SUN3: variants seen among roughly 807,000 people sequenced by gnomAD.
SUN3 encodes SUN domain-containing protein 3.
A neutral mutation model predicts 48.2 loss-of-function variants in SUN3; 36 were observed. That is an observed-to-expected ratio of 0.75 (90% CI 0.57 to 0.99). SUN3 has a LOEUF of 0.99. Ranked by LOEUF, SUN3 falls within the 50% of genes least tolerant of loss-of-function variation. SUN3 has a pLI of 0.00. For missense variants in SUN3, 419 were observed against 433.1 expected (o/e 0.97, Z 0.29); for synonymous variants, 148 against 147.9 (o/e 1.00, Z 0.00).
chr7:47,990,560 T>C (rs1056784408), intron 8 of SUN3, among the ~76,000 whole-genome samples: 2 of 150,988 alleles, frequency 1.3e-5, no homozygotes, highest in African/African-American at 4.9e-5. Flanking sequence ...CTTTGTCTCT[T>C]TGTCTCTTTC....
intron 6 of SUN3, among the ~76,000 whole-genome samples, chr7:48,004,361 C>T (rs994041479): frequency 2.0e-5 from 3 of 152,236 alleles, no homozygotes; most frequent in African/African-American, 7.2e-5. Flanking sequence ...CATCAATCAA[C>T]CAAGAAATGT....
Position 48,029,102 on chromosome 7 carries a change from G to T in SUN3, c.-164C>A, listed in dbSNP as rs180689406. The T allele has an allele frequency of 2.0e-6, 2 of 1,009,428 alleles. No homozygotes were observed. The highest frequency in any genetic ancestry group is 3.2e-5 in the South Asian group (2 of 63,192). 62.5% of individuals were successfully genotyped at this position (1,009,428 alleles called of 1,614,324 possible). A position where few individuals can be genotyped will look rare whatever the true frequency, so the allele number is the denominator to read the frequency against. ...CTTCTTGAAGACGGAATTTTGAAAA[G>T]CTTCTGATTCTTCTGTTGCATCATC... On this transcript the variant is annotated 5_prime_UTR_variant, in exon 1 of 10. Transcript: ENST00000297325.
chr7:48,005,846 A>C, intron 6 of SUN3, 123 bp downstream of exon 6: 2 of 502,174 alleles, frequency 4.0e-6, no homozygotes, highest in East Asian at 3.3e-5. Context: ...TAAATTGATT[A>C]ATTTCCCCCC....
chr7:48,012,045 G>C (rs375412736), intron 3 of SUN3, among the ~76,000 whole-genome samples: 65 of 152,306 alleles, frequency 4.3e-4, no homozygotes, highest in African/African-American at 1.2e-3. Context: ...GTGTATAGTT[G>C]ATTATCTTTC....
Position 48,007,185 on chromosome 7 carries a change from C to T in SUN3, c.472G>A (p.Glu158Lys), listed in dbSNP as rs1789548085. The change falls in exon 5 of 10, where the codon GAG becomes AAG. Residue 158 changes from glutamate to lysine, a missense_variant. Coordinates refer to ENST00000297325, the MANE Select transcript of SUN3 (RefSeq NM_001030019.2). ...HNWNTHGDPV[E>K]DPDHTEEVSN... ...AGGACCTCTGTGTGGTCCGGGTCCT[C>T]CACAGGGTCTCCATGGGTGTTCCAG... 6 of 1,613,766 alleles carry T rather than the reference C, an allele frequency of 3.7e-6. No individual in the cohort carries two copies. Among genetic ancestry groups the T allele is most frequent in the Non-Finnish European group, 5.1e-6 (6 of 1,179,848 alleles).
chr7:48,016,103 C>T (rs1023677469), intron 3 of SUN3, among the ~76,000 whole-genome samples: 1 of 152,098 alleles, frequency 6.6e-6, no homozygotes, highest in Non-Finnish European at 1.5e-5. Context: ...GCAGACCCTG[C>T]ACTAGATGGA....
At chr7:48,035,598 C>T in the SUN3 span, 1 of 693,856 alleles carries the variant, frequency 1.4e-6, no homozygotes, top group Non-Finnish European at 2.6e-6. The surrounding 1 kb of genome is among the most constrained non-coding windows in gnomAD (Gnocchi z 4.0). Flanking sequence ...CCGGGCGCCG[C>T]GGGCAGCACC....
intron 6 of SUN3, among the ~76,000 whole-genome samples, chr7:48,001,522 G>GTTT (rs1286421253): frequency 0.029 from 3,459 of 121,270 alleles, 406 homozygotes; most frequent in Middle Eastern, 0.066. Flanking sequence ...TGTCTTTTCT[G>GTTT]TTTTTTTTGT....
intron 3 of SUN3, among the ~76,000 whole-genome samples, chr7:48,009,809 G>GTGCAGGCAGCACTCTGGTC (rs1789633423): frequency 2.0e-5 from 3 of 152,174 alleles, no homozygotes; most frequent in Admixed American, 6.5e-5. Flanking sequence ...GCATGCTGGA[G>GTGCAGGCAGCACTCTGGTC]TGCAGGCAGC....
In SUN3 at chr7:48,013,956, C is replaced by T. The variant is rs536039380; in HGVS notation, c.288+3306G>A. 4.6e-5 allele frequency among the ~76,000 whole-genome samples: 7 copies of T among 152,114 alleles called. 1 individual carries two copies. The highest frequency in any genetic ancestry group is 2.6e-4 in the Admixed American group (4 of 15,284). On this transcript the variant is annotated intron_variant, in intron 3 of 9. Transcript: ENST00000297325. ...ATGAAAAATACTGTCCTTAGAAACA[C>T]GGCCATAGTCATTTTATTTTATATT...
rs1789147574 is a variant in SUN3, at chr7:47,994,428, G to T, written c.748C>A (p.Leu250Ile). 1 of 1,612,336 alleles carries T rather than the reference G, an allele frequency of 6.2e-7. No individual in the cohort carries two copies. Among genetic ancestry groups the T allele is most frequent in the African/African-American group, 1.3e-5 (1 of 74,850 alleles). Residue 250 changes from leucine (L) to isoleucine (I), a missense_variant, in exon 8 of 10, where the codon CTA (leucine) becomes ATA (isoleucine). Physicochemically the swap from Leu to Ile is conservative, Grantham distance 5 (BLOSUM62 2). Coordinates refer to ENST00000297325, the MANE Select transcript of SUN3 (RefSeq NM_001030019.2). ...ATGATCTTTGTAGCAAGCTTGATTA[G>T]GGTATGACCCTGGGAACCTGGAAAA... ...WAFPGSQGHTLIKLATKIIPT... is the reference protein window; with the variant it reads ...WAFPGSQGHTIIKLATKIIPT...
intron 3 of SUN3, among the ~76,000 whole-genome samples, chr7:48,015,631 G>C (rs552503568): frequency 7.9e-5 from 12 of 152,226 alleles, no homozygotes; most frequent in African/African-American, 2.6e-4. Context: ...AGTCACTATG[G>C]GTTAAAAGAT....
At chr7:48,002,149 C>CTTT (rs1789395386) in intron 6 of SUN3, among the ~76,000 whole-genome samples, 1 of 41,932 alleles carries the variant, frequency 2.4e-5, no homozygotes, top group African/African-American at 1.0e-4. Context: ...ATTTGCATTT[C>CTTT]TCTTTTTTTT....
intron 3 of SUN3, 52 bp downstream of exon 3, chr7:48,017,210 G>T: frequency 1.1e-6 from 1 of 894,660 alleles, no homozygotes; most frequent in South Asian, 1.5e-5. Context: ...TAGCCTTGTA[G>T]CATATTAAAC....
chr7:48,033,396 T>TAA (rs5884034), upstream of SUN3, among the ~76,000 whole-genome samples: 1 of 151,094 alleles, frequency 6.6e-6, no homozygotes, highest in East Asian at 2.0e-4. Flanking sequence ...CCATTGTCTC[T>TAA]AAAAAAAATT....
chr7:47,990,578 A>G (rs1455668288), intron 8 of SUN3, among the ~76,000 whole-genome samples: 1 of 151,930 alleles, frequency 6.6e-6, no homozygotes, highest in African/African-American at 2.4e-5. Flanking sequence ...TTCTTTTCTC[A>G]AGTCTCTCGT....
At chr7:48,011,836 A>G (rs1294699671) in intron 3 of SUN3, among the ~76,000 whole-genome samples, 2 of 152,224 alleles carry the variant, frequency 1.3e-5, no homozygotes, top group Non-Finnish European at 2.9e-5. Context: ...AAAGATTGGA[A>G]AAGTAAGATA....
rs112024276 is a variant in SUN3, at chr7:48,024,717, C to T, written c.184+1160G>A. Among the ~76,000 whole-genome samples the T allele has an allele frequency of 3.0e-3, 453 of 152,168 alleles. 7 individuals carry two copies. Among genetic ancestry groups the T allele is most frequent in the African/African-American group, 0.01 (422 of 41,528 alleles). ...CTCATGGTGGAAGGCAAAGGAGGAG[C>T]CAGCATGTGCAGAGATCACATGGTG... On this transcript the variant is annotated intron_variant, in intron 2 of 9. Transcript: ENST00000297325.
chr7:48,017,882 T>C (rs1789855534), intron 2 of SUN3, among the ~76,000 whole-genome samples: 1 of 152,168 alleles, frequency 6.6e-6, no homozygotes, highest in Admixed American at 6.5e-5. Context: ...GCAATATCTA[T>C]TGAAAGACTT....
Sources: gnomAD v4.1 joint callset for allele counts (sites outside exome capture counted in the v4.1 genomes callset) on GRCh38, gnomAD v4.1.1 for gene constraint, Gnocchi (gnomAD v3.1) non-coding constraint, MANE v1.5 for transcripts, NCBI Gene and HGNC (gene_info 2026-07-23, HGNC 2026-07-21) for gene names.